SHMT1: variants seen among roughly 807,000 people sequenced by gnomAD.
The protein encoded by SHMT1 is serine hydroxymethyltransferase, cytosolic.
SHMT1 carries 45 observed loss-of-function variants against 49.0 expected under a neutral mutation model. That is an observed-to-expected ratio of 0.92 (90% CI 0.72 to 1.18). The LOEUF (loss-of-function observed/expected upper bound fraction) is 1.18. SHMT1 is among the 50% of genes most tolerant of loss of function. The pLI, the probability that SHMT1 is intolerant of heterozygous loss-of-function variation, is 0.00. For synonymous variants in SHMT1, 232 were observed against 246.6 expected (o/e 0.94, Z 0.55); for missense variants, 541 against 612.4 (o/e 0.88, Z 1.23).
At chr17:18,337,834 G>T (rs1191181743) in intron 7 of SHMT1, among the ~76,000 whole-genome samples, 1,994 of 91,918 alleles carry the variant, frequency 0.022, no homozygotes, top group African/African-American at 0.043. Flanking sequence ...TCGGCCTCCC[G>T]AGGTGCCGGG....
intron 10 of SHMT1, 31 bp downstream of exon 10, chr17:18,330,524 G>T: frequency 7.2e-7 from 1 of 1,397,486 alleles, no homozygotes; most frequent in South Asian, 1.2e-5. Flanking sequence ...GATGGGAGAG[G>T]AGTGAAGGAG....
chr17:18,346,293 T>A (rs1985071608), intron 5 of SHMT1, among the ~76,000 whole-genome samples: 1 of 152,122 alleles, frequency 6.6e-6, no homozygotes, highest in Non-Finnish European at 1.5e-5. Context: ...GAAAAGATGG[T>A]TCCGGGACAC....
intron 4 of SHMT1, 131 bp from the exon 5 acceptor site, chr17:18,347,787 A>C: frequency 1.1e-6 from 1 of 946,792 alleles, no homozygotes; most frequent in Non-Finnish European, 1.6e-6. Context: ...GAGCTCCAGG[A>C]GGTGCCCCTT....
intron 3 of SHMT1, 128 bp from the exon 4 acceptor site, chr17:18,348,568 A>T (rs760921473): frequency 1.3e-6 from 1 of 772,112 alleles, no homozygotes; most frequent in South Asian, 1.4e-5. Flanking sequence ...AGAGCTTGTT[A>T]ACATGCAGAT....
intron 7 of SHMT1, among the ~76,000 whole-genome samples, chr17:18,339,182 C>A (rs1321665450): frequency 6.6e-6 from 1 of 151,680 alleles, no homozygotes; most frequent in Non-Finnish European, 1.5e-5. Context: ...ACAGGCTTTC[C>A]CAGGTATGGG....
chr17:18,343,266 T>C (rs1248103952), intron 5 of SHMT1, among the ~76,000 whole-genome samples: 1 of 151,580 alleles, frequency 6.6e-6, no homozygotes, highest in Non-Finnish European at 1.5e-5. Context: ...ATAATTTTTC[T>C]TTTCTGGCAA....
intron 3 of SHMT1, among the ~76,000 whole-genome samples, chr17:18,348,881 G>A (rs1424364261): frequency 6.6e-6 from 1 of 151,170 alleles, no homozygotes; most frequent in Non-Finnish European, 1.5e-5. Context: ...GGGAGGCTGA[G>A]AAGGGAAGAT....
chr17:18,351,989 C>T (rs991630890), intron 3 of SHMT1, among the ~76,000 whole-genome samples: 3 of 151,954 alleles, frequency 2.0e-5, no homozygotes, highest in Admixed American at 6.6e-5. Context: ...AGACTACAGG[C>T]GCATGCCACC....
intron 3 of SHMT1, among the ~76,000 whole-genome samples, chr17:18,352,310 C>T (rs1251177039): frequency 6.6e-6 from 1 of 152,022 alleles, no homozygotes; most frequent in East Asian, 1.9e-4. Context: ...CCTTGCCAGG[C>T]TAATTTTTTG....
chr17:18,328,715 G>C lies in SHMT1; in HGVS notation c.*35C>G. On this transcript the variant is annotated 3_prime_UTR_variant, in exon 12 of 12. Coordinates refer to ENST00000316694, the MANE Select transcript of SHMT1 (RefSeq NM_004169.5). ...GGTCCTCCGGCAGGCAGCTTCCTCT[G>C]TGGCGCCAGGTGGGTCCAGAGTGGG... The C allele has an allele frequency of 6.5e-7, 1 of 1,549,172 alleles. No individual in the cohort carries two copies. The highest frequency in any genetic ancestry group is 1.4e-5 in the African/African-American group (1 of 73,156).
In SHMT1 at chr17:18,348,493, C is replaced by A. The variant is rs559899833; in HGVS notation, c.243-53G>T. On this transcript the variant is annotated intron_variant, in intron 3 of 11. Coordinates refer to ENST00000316694, the MANE Select transcript of SHMT1 (RefSeq NM_004169.5). ...TCCACTCAGACCCAGAAAGTCTGTG[C>A]TTCACAGAGGCCAAAGAAGCTTAGG... 6.4e-5 allele frequency: 85 copies of A among 1,323,972 alleles called. 1 individual carries two copies. In the South Asian group the frequency reaches 9.7e-4, roughly 15 times the overall value. The allele number at this position is 1,323,972 out of a possible 1,614,324, so 82.0% of individuals were successfully genotyped here.
At chr17:18,329,114 C>A (rs1202673224) in intron 11 of SHMT1, among the ~76,000 whole-genome samples, 164 bp downstream of exon 11, 1 of 152,162 alleles carries the variant, frequency 6.6e-6, no homozygotes, top group Non-Finnish European at 1.5e-5. Context: ...AAATTTATAA[C>A]CCTCTCAGAC....
At chr17:18,351,768 G>A (rs1436620317) in intron 3 of SHMT1, among the ~76,000 whole-genome samples, 13 of 151,358 alleles carry the variant, frequency 8.6e-5, no homozygotes, top group East Asian at 3.9e-4. Context: ...GCGATACTCC[G>A]TGTAAAAAAA....
rs1983122583 is a variant in SHMT1 at position 18,330,767 on chromosome 17, G to A, written c.1055-96C>T. ...GGCGAGGATGAAGGCAGTCAAAGCA[G>A]ATGAGGTCAGGAAGGTGAGCACCCC... On this transcript the variant is annotated intron_variant, in intron 9 of 11. Transcript: ENST00000316694. 3 of 858,166 alleles carry A rather than the reference G, an allele frequency of 3.5e-6. No individual in the cohort carries two copies. The African/African-American group carries it at 5.0e-5, about 14-fold the overall frequency. 53.2% of individuals were successfully genotyped at this position (858,166 alleles called of 1,614,324 possible).
chr17:18,330,494 C>A, intron 10 of SHMT1, 61 bp downstream of exon 10: 1 of 1,211,518 alleles, frequency 8.3e-7, no homozygotes, highest in Middle Eastern at 1.9e-4. Context: ...TCAGCTACAA[C>A]TTTGGCCAGA....
At chr17:18,362,751 G>C (rs1328118232) in intron 1 of SHMT1, among the ~76,000 whole-genome samples, 1 of 152,164 alleles carries the variant, frequency 6.6e-6, no homozygotes, top group East Asian at 1.9e-4. Flanking sequence ...CCGGAATCTC[G>C]AAGCCAAGGC....
chr17:18,355,227 G>A (rs1229803027), intron 2 of SHMT1, among the ~76,000 whole-genome samples: 58 of 146,922 alleles, frequency 3.9e-4, no homozygotes, highest in African/African-American at 8.6e-4. Context: ...AAAATTAGCC[G>A]GGTGTGGTGG....
chr17:18,334,530 T>C (rs1983583387), intron 8 of SHMT1, among the ~76,000 whole-genome samples: 1 of 152,228 alleles, frequency 6.6e-6, no homozygotes, highest in Admixed American at 6.5e-5. Context: ...AACGATTACT[T>C]AGCAGGCCTA....
intron 2 of SHMT1, among the ~76,000 whole-genome samples, chr17:18,355,131 AG>A (rs2151603178): frequency 7.4e-6 from 1 of 134,590 alleles, no homozygotes; most frequent in South Asian, 2.6e-4. Flanking sequence ...GCACTTTGGG[AG>A]GCTGAGGTGG....
Sources: allele counts gnomAD v4.1 joint callset (sites outside exome capture counted in the v4.1 genomes callset), GRCh38; gene constraint gnomAD v4.1.1; transcripts MANE v1.5; gene names NCBI Gene and HGNC (gene_info 2026-07-23, HGNC 2026-07-21).